The following ACACA variants were observed in gnomAD, a reference collection of about 807,000 sequenced individuals.
ACACA encodes the protein acetyl-CoA carboxylase alpha.
In ACACA, 103 loss-of-function variants were observed where a neutral mutation model predicts 296.1. The observed-to-expected ratio is 0.35, with a 90% confidence interval of 0.30 to 0.41. The LOEUF (loss-of-function observed/expected upper bound fraction) is 0.41, where lower values mean the gene tolerates loss of function less well. Among genes scored for constraint, ACACA ranks in the 10% least tolerant of loss-of-function variants. The pLI, the probability that ACACA is intolerant of heterozygous loss-of-function variation, is 1.00. For synonymous variants in ACACA, 953 were observed against 1,038.6 expected (o/e 0.92, Z 1.58); for missense variants, 1,554 against 2,989.7 (o/e 0.52, Z 11.20).
chr17:37,308,119 C>G (rs2083966249), intron 3 of ACACA, among the ~76,000 whole-genome samples: 1 of 152,074 alleles, frequency 6.6e-6, no homozygotes, highest in Non-Finnish European at 1.5e-5. Context: ...GGTCTGAAAT[C>G]ACATAGCGTA....
At chr17:37,402,472 A>T (rs543590696) in intron 1 of ACACA, among the ~76,000 whole-genome samples, 1 of 152,340 alleles carries the variant, frequency 6.6e-6, no homozygotes, top group Admixed American at 6.5e-5. Flanking sequence ...AAGAATGACA[A>T]TATAAATTTA....
chr17:37,144,207 T>C, intron 45 of ACACA: 2 of 724,746 alleles, frequency 2.8e-6, no homozygotes, highest in East Asian at 2.5e-5. Flanking sequence ...TCTGGATGCT[T>C]CTTATGCTCC....
chr17:37,187,776 T>C (rs1369361691), intron 39 of ACACA, among the ~76,000 whole-genome samples: 1 of 152,014 alleles, frequency 6.6e-6, no homozygotes, highest in African/African-American at 2.4e-5. Flanking sequence ...CAGAACACAA[T>C]AGATAAATAT....
chr17:37,295,560 G>A (rs1003163306), intron 3 of ACACA, among the ~76,000 whole-genome samples: 2 of 152,092 alleles, frequency 1.3e-5, no homozygotes, highest in African/African-American at 4.8e-5. Flanking sequence ...AGGTAAATGT[G>A]GGGGGATAAC....
At chr17:37,133,005 C>T (rs1349275425) in intron 45 of ACACA, among the ~76,000 whole-genome samples, 2 of 152,174 alleles carry the variant, frequency 1.3e-5, no homozygotes, top group Non-Finnish European at 2.9e-5. Flanking sequence ...TCTCTCCTTT[C>T]CTATGTTTAG....
At chr17:37,222,172 T>C (rs2079324520) in intron 28 of ACACA, 1 of 357,210 alleles carries the variant, frequency 2.8e-6, no homozygotes, top group Non-Finnish European at 5.3e-6. Flanking sequence ...TATTAATCTA[T>C]TAAGCATGAT....
chr17:37,339,649 T>C (rs1789914419), intron 2 of ACACA, among the ~76,000 whole-genome samples, 155 bp downstream of exon 2: 1 of 152,252 alleles, frequency 6.6e-6, no homozygotes, highest in South Asian at 2.1e-4. Context: ...AGTACCATTG[T>C]TAGACTCTTT....
chr17:37,179,237 G>A (rs1306098561), intron 41 of ACACA, 23 bp downstream of exon 41: 2 of 1,614,056 alleles, frequency 1.2e-6, no homozygotes, highest in Non-Finnish European at 1.7e-6. Context: ...ATAAGAAAGG[G>A]AAGGGGGGTT....
At chr17:37,317,247 T>C (rs1002605389) in intron 3 of ACACA, among the ~76,000 whole-genome samples, 3 of 152,166 alleles carry the variant, frequency 2.0e-5, no homozygotes, top group Non-Finnish European at 4.4e-5. Flanking sequence ...AAAATATGAA[T>C]AGTGATTACT....
intron 41 of ACACA, among the ~76,000 whole-genome samples, chr17:37,176,646 A>T (rs1489327383): frequency 6.6e-6 from 1 of 152,218 alleles, no homozygotes; most frequent in Non-Finnish European, 1.5e-5. Context: ...TGGGCTCAGC[A>T]CGAGGAAATA....
intron 10 of ACACA, among the ~76,000 whole-genome samples, chr17:37,265,373 C>T (rs1326053384): frequency 6.6e-6 from 1 of 152,098 alleles, no homozygotes; most frequent in African/African-American, 2.4e-5. Flanking sequence ...ATAGACTCAC[C>T]CCCTCCCAAG....
intron 52 of ACACA, among the ~76,000 whole-genome samples, chr17:37,100,660 T>C (rs1291420558): frequency 6.6e-6 from 1 of 151,064 alleles, no homozygotes; most frequent in Admixed American, 6.6e-5. Flanking sequence ...AAAAAGGACA[T>C]TGAGACAATT....
chr17:37,279,187 T>A lies in ACACA; in HGVS notation c.611-1182A>T, dbSNP rs374667099. ...GTTCTTATTTCTAAAAGATTTTAAGTCCCTTCTAAAAAAAATTCTACTAAA... is the reference window on the plus strand; with the variant it reads ...GTTCTTATTTCTAAAAGATTTTAAGACCCTTCTAAAAAAAATTCTACTAAA... On this transcript the variant is annotated intron_variant, in intron 5 of 55. Transcript: ENST00000616317. Among the ~76,000 whole-genome samples the A allele has an allele frequency of 2.9e-4, 44 of 152,232 alleles. No homozygotes were observed. The South Asian group carries it at 9.1e-3, about 32-fold the overall frequency.
chr17:37,307,112 C>T (rs1039766944), intron 3 of ACACA, among the ~76,000 whole-genome samples: 1 of 152,170 alleles, frequency 6.6e-6, no homozygotes, highest in Non-Finnish European at 1.5e-5. Flanking sequence ...TATGGTATTC[C>T]ATCATATGAT....
At chr17:37,406,234 A>G in intron 1 of ACACA, 28 bp downstream of exon 1, 1 of 1,611,958 alleles carries the variant, frequency 6.2e-7, no homozygotes, top group Non-Finnish European at 8.5e-7. Context: ...CATCATTAAC[A>G]GCAGTAATAA....
chr17:37,229,424 C>T (rs2079731546), intron 25 of ACACA, among the ~76,000 whole-genome samples: 1 of 151,730 alleles, frequency 6.6e-6, no homozygotes, highest in South Asian at 2.1e-4. Context: ...CTGCCTCAGC[C>T]TCCCGAGTAC....
intron 48 of ACACA, among the ~76,000 whole-genome samples, chr17:37,125,454 C>T (rs1316097054): frequency 1.3e-5 from 2 of 152,028 alleles, no homozygotes; most frequent in African/African-American, 4.8e-5. Flanking sequence ...TTTCCTGAAA[C>T]ATTATAAAAA....
chr17:37,188,068 G>C (rs926589016), intron 39 of ACACA, among the ~76,000 whole-genome samples: 2 of 152,172 alleles, frequency 1.3e-5, no homozygotes, highest in African/African-American at 4.8e-5. Flanking sequence ...AAATGGTTAA[G>C]GGTTTTATAA....
At chr17:37,119,589 A>AACACACACACACAC (rs71368443) in intron 50 of ACACA, among the ~76,000 whole-genome samples, 5 of 128,352 alleles carry the variant, frequency 3.9e-5, no homozygotes, top group African/African-American at 6.0e-5. Context: ...TTTTCAACCA[A>AACACACACACACAC]ACACACACAC....
Sources: allele counts gnomAD v4.1 joint callset (sites outside exome capture counted in the v4.1 genomes callset), GRCh38; gene constraint gnomAD v4.1.1; transcripts MANE v1.5; gene names NCBI Gene and HGNC (gene_info 2026-07-23, HGNC 2026-07-21).